PEX14: variants seen among roughly 807,000 people sequenced by gnomAD.
PEX14 encodes the protein peroxisomal biogenesis factor 14, also known as peroxisomal membrane protein PEX14.
Under a neutral mutation model 49.5 loss-of-function variants are expected in PEX14, and 15 were observed. That is an observed-to-expected ratio of 0.30 (90% CI 0.20 to 0.47). The LOEUF (loss-of-function observed/expected upper bound fraction) is 0.47. Among genes scored for constraint, PEX14 ranks in the 20% least tolerant of loss-of-function variants. The pLI is 1.00. For missense variants in PEX14, 398 were observed against 494.8 expected, an observed-to-expected ratio of 0.80 and a Z score of 1.86; for synonymous variants, 210 against 212.7, an observed-to-expected ratio of 0.99 and a Z score of 0.11.
intron 3 of PEX14, among the ~76,000 whole-genome samples, chr1:10,563,690 C>T (rs1203460398): frequency 2.6e-5 from 4 of 151,988 alleles, no homozygotes; most frequent in Non-Finnish European, 5.9e-5. Flanking sequence ...CTTGGGAGGC[C>T]GAGGCGGGTG....
chr1:10,596,953 G>A lies in PEX14; in HGVS notation c.170-2285G>A, dbSNP rs1033453992. Among the ~76,000 whole-genome samples the A allele has an allele frequency of 2.4e-4, 37 of 152,216 alleles. 1 individual carries two copies. Among genetic ancestry groups the A allele is most frequent in the Non-Finnish European group, 8.8e-5 (6 of 68,036 alleles). ...CAACTGTGGCCTCACTAGTGGGCTCGGCTGCGATAATGCAAGGAACATGTT... is the reference window on the plus strand; with the variant it reads ...CAACTGTGGCCTCACTAGTGGGCTCAGCTGCGATAATGCAAGGAACATGTT... On this transcript the variant is annotated intron_variant, in intron 3 of 8. Transcript: ENST00000356607.
chr1:10,594,823 C>T (rs916284896), intron 3 of PEX14, among the ~76,000 whole-genome samples: 2 of 36,156 alleles, frequency 5.5e-5, no homozygotes, highest in African/African-American at 1.4e-4. Context: ...GCATCACAAT[C>T]GCAGCCTGTA....
rs201652004 is a variant in PEX14 at position 10,582,161 on chromosome 1, G to A, written c.170-17077G>A. ...ATGTTAATGATGACAGTGATAATGA[G>A]TTTTATGATAAACAGCTTTTTTTTT... On this transcript the variant is annotated intron_variant, in intron 3 of 8. Coordinates refer to ENST00000356607, the MANE Select transcript of PEX14 (RefSeq NM_004565.3). 2.0e-5 allele frequency among the ~76,000 whole-genome samples: 3 copies of A among 151,450 alleles called. No individual in the cohort carries two copies. In the East Asian group the frequency reaches 5.8e-4, roughly 29 times the overall value.
At chr1:10,482,584 C>A (rs1234596559) in intron 1 of PEX14, among the ~76,000 whole-genome samples, 1 of 152,080 alleles carries the variant, frequency 6.6e-6, no homozygotes, top group African/African-American at 2.4e-5. Context: ...CAGGCATGTG[C>A]CACCATGCCC....
At position 10,496,133 on chromosome 1, in the gene PEX14, C is replaced by T. The variant is rs74051822; in HGVS notation, c.84+812C>T. On this transcript the variant is annotated intron_variant, in intron 2 of 8. Coordinates refer to ENST00000356607, the MANE Select transcript of PEX14 (RefSeq NM_004565.3). ...TTCTGGCAGTCGCGGGAGGAGATGA[C>T]GTGAGGGACTTAGCGGGTATGAACA... Among the ~76,000 whole-genome samples, 12 of 152,238 alleles carry T rather than the reference C, an allele frequency of 7.9e-5. No individual in the cohort carries two copies. The East Asian group carries it at 9.7e-4, about 12-fold the overall frequency.
intron 3 of PEX14, among the ~76,000 whole-genome samples, chr1:10,576,236 G>A (rs1247338544): frequency 6.6e-6 from 1 of 151,830 alleles, no homozygotes; most frequent in Non-Finnish European, 1.5e-5. Context: ...CCAATCTTCT[G>A]ATATTTCCTC....
chr1:10,585,748 T>C (rs1004671671), intron 3 of PEX14, among the ~76,000 whole-genome samples: 1 of 152,196 alleles, frequency 6.6e-6, no homozygotes, highest in Non-Finnish European at 1.5e-5. Context: ...GGCGAAACCC[T>C]GTCTCTATGC....
intron 3 of PEX14, among the ~76,000 whole-genome samples, chr1:10,586,033 C>A (rs770567878): frequency 1.3e-5 from 2 of 152,168 alleles, no homozygotes; most frequent in Admixed American, 6.5e-5. Context: ...CAAAACTGGA[C>A]AGACCTGAAA....
At chr1:10,517,042 G>A (rs1432889412) in intron 2 of PEX14, 1 of 152,470 alleles carries the variant, frequency 6.6e-6, no homozygotes, top group East Asian at 1.9e-4. Context: ...CAGAGCCCAA[G>A]CCTGCTCCCT....
intron 1 of PEX14, among the ~76,000 whole-genome samples, chr1:10,479,418 A>G (rs1465798347): frequency 6.6e-6 from 1 of 152,122 alleles, no homozygotes; most frequent in African/African-American, 2.4e-5. Flanking sequence ...TGCTGAGATT[A>G]TAAGCATGAG....
At chr1:10,501,760 A>T (rs1391973668) in intron 2 of PEX14, among the ~76,000 whole-genome samples, 5 of 152,074 alleles carry the variant, frequency 3.3e-5, no homozygotes, top group Admixed American at 2.0e-4. Flanking sequence ...ACAAAAAATT[A>T]AAAAAAATTT....
chr1:10,523,645 C>A (rs1478599143), intron 2 of PEX14, among the ~76,000 whole-genome samples: 2 of 149,688 alleles, frequency 1.3e-5, no homozygotes, highest in African/African-American at 2.5e-5. Flanking sequence ...AAAAAAAAAT[C>A]TTGTAGGAAA....
chr1:10,584,927 C>G (rs923076028), intron 3 of PEX14, among the ~76,000 whole-genome samples: 1 of 152,132 alleles, frequency 6.6e-6, no homozygotes, highest in African/African-American at 2.4e-5. Context: ...TGGATTTTAA[C>G]ATACATTATA....
In PEX14 at chr1:10,610,119, A is replaced by G. The variant is rs573755105; in HGVS notation, c.299-8213A>G. On this transcript the variant is annotated intron_variant, in intron 4 of 8. Transcript: ENST00000356607. ...TATTATATGTAAATATATGTAATATATATTTGGAAAATACATATAAAAGGA... is the reference window on the plus strand; with the variant it reads ...TATTATATGTAAATATATGTAATATGTATTTGGAAAATACATATAAAAGGA... Among the ~76,000 whole-genome samples the G allele has an allele frequency of 4.0e-5, 6 of 148,248 alleles. No individual in the cohort carries two copies. The East Asian group carries it at 7.8e-4, about 19-fold the overall frequency.
intron 2 of PEX14, among the ~76,000 whole-genome samples, chr1:10,501,964 A>G (rs1478677366): frequency 6.6e-6 from 1 of 151,826 alleles, no homozygotes; most frequent in Non-Finnish European, 1.5e-5. Flanking sequence ...TTTGGTGCTT[A>G]AACCGTTACT....
chr1:10,495,404 C>A lies in PEX14; in HGVS notation c.84+83C>A. On this transcript the variant is annotated intron_variant, in intron 2 of 8. Coordinates refer to ENST00000356607, the MANE Select transcript of PEX14 (RefSeq NM_004565.3). The surrounding 1 kb of genome is among the most constrained non-coding windows in gnomAD (Gnocchi z 4.2). ...AAAGAAACCTTCTGTTCCTATGGTTCTGCGTCAGTAGTGTCCCTTTAAAAG... is the reference window on the plus strand; with the variant it reads ...AAAGAAACCTTCTGTTCCTATGGTTATGCGTCAGTAGTGTCCCTTTAAAAG... The A allele has an allele frequency of 8.9e-7, 1 of 1,123,050 alleles. No individual in the cohort carries two copies. The highest frequency in any genetic ancestry group is 1.3e-6 in the Non-Finnish European group (1 of 750,416). The allele number at this position is 1,123,050 out of a possible 1,614,324, so 69.6% of individuals were successfully genotyped here. A position where few individuals can be genotyped will look rare whatever the true frequency, so the allele number is the denominator to read the frequency against.
intron 3 of PEX14, among the ~76,000 whole-genome samples, chr1:10,562,914 C>CTTT (rs35438761): frequency 3.4e-5 from 5 of 146,004 alleles, no homozygotes; most frequent in Non-Finnish European, 6.0e-5. Flanking sequence ...TTCTTTCTTT[C>CTTT]TTTTCTTTTT....
At chr1:10,499,261 A>G (rs978254731) in intron 2 of PEX14, among the ~76,000 whole-genome samples, 1 of 152,170 alleles carries the variant, frequency 6.6e-6, no homozygotes, top group Non-Finnish European at 1.5e-5. Context: ...CATCTACTTT[A>G]AACAGTGCTT....
In PEX14 at chr1:10,496,132, A is replaced by C. The variant is rs144659740; in HGVS notation, c.84+811A>C. 7.6e-3 allele frequency among the ~76,000 whole-genome samples: 1,155 copies of C among 152,252 alleles called. 11 individuals carry two copies. The highest frequency in any genetic ancestry group is 0.026 in the African/African-American group (1,098 of 41,546). On this transcript the variant is annotated intron_variant, in intron 2 of 8. Coordinates refer to ENST00000356607, the MANE Select transcript of PEX14 (RefSeq NM_004565.3). ...CTTCTGGCAGTCGCGGGAGGAGATGACGTGAGGGACTTAGCGGGTATGAAC... is the reference window on the plus strand; with the variant it reads ...CTTCTGGCAGTCGCGGGAGGAGATGCCGTGAGGGACTTAGCGGGTATGAAC...
Sources: allele counts gnomAD v4.1 joint callset (sites outside exome capture counted in the v4.1 genomes callset), GRCh38; gene constraint gnomAD v4.1.1; non-coding constraint Gnocchi (gnomAD v3.1); transcripts MANE v1.5; gene names NCBI Gene and HGNC (gene_info 2026-07-23, HGNC 2026-07-21).